The following PAM variants were observed in gnomAD, a reference collection of about 807,000 sequenced individuals.
The protein encoded by PAM is peptidylglycine alpha-amidating monooxygenase.
Under a neutral mutation model 122.1 loss-of-function variants are expected in PAM, and 72 were observed. The observed-to-expected ratio is 0.59, with a 90% CI of 0.49 to 0.72. The LOEUF is 0.72. Among genes scored for constraint, PAM ranks in the 30% least tolerant of loss-of-function variants. The probability of loss-of-function intolerance (pLI) is 0.00; values close to 1 mark genes in which losing one functional copy is unlikely to be tolerated. For missense variants in PAM, 1,106 were observed against 1,183.7 expected, an observed-to-expected ratio of 0.93 and a Z score of 0.96; for synonymous variants, 389 against 404.4, an observed-to-expected ratio of 0.96 and a Z score of 0.46.
At chr5:102,906,493 G>A (rs928037414) in intron 4 of PAM, among the ~76,000 whole-genome samples, 3 of 151,656 alleles carry the variant, frequency 2.0e-5, no homozygotes, top group Non-Finnish European at 3.0e-5. Flanking sequence ...GCACAAGTAT[G>A]AGAGACAGTA....
chr5:102,934,730 C>T (rs765861311), intron 7 of PAM, among the ~76,000 whole-genome samples: 1 of 152,126 alleles, frequency 6.6e-6, no homozygotes, highest in Non-Finnish European at 1.5e-5. Flanking sequence ...GAATCTGGGG[C>T]ACCATCCCTA....
chr5:102,754,925 T>C (rs923631535), upstream of PAM: 21 of 152,276 alleles, frequency 1.4e-4, no homozygotes, highest in African/African-American at 5.1e-4. Flanking sequence ...GTTCCAGCTC[T>C]TGGCTACCTC....
intron 1 of PAM, among the ~76,000 whole-genome samples, chr5:102,781,741 A>G (rs1758989786): frequency 6.6e-6 from 1 of 152,252 alleles, no homozygotes; most frequent in African/African-American, 2.4e-5. Flanking sequence ...GTCAGTTATT[A>G]TATACAGGGA....
chr5:102,919,533 A>G (rs1288417130), intron 5 of PAM, among the ~76,000 whole-genome samples: 1 of 152,082 alleles, frequency 6.6e-6, no homozygotes, highest in African/African-American at 2.4e-5. Flanking sequence ...GGAAACTTCT[A>G]AAGTTAAATA....
intron 16 of PAM, among the ~76,000 whole-genome samples, chr5:102,992,324 C>CT (rs534109692): frequency 2.0e-4 from 30 of 151,430 alleles, no homozygotes; most frequent in African/African-American, 6.6e-4. Context: ...TCTTCTTCAT[C>CT]TTTGTCTTTC....
chr5:102,845,412 A>G (rs1779728415), intron 1 of PAM, among the ~76,000 whole-genome samples: 3 of 152,224 alleles, frequency 2.0e-5, no homozygotes, highest in Non-Finnish European at 4.4e-5. Context: ...GCATAATGTT[A>G]AAGTGATGCC....
chr5:102,845,906 G>T (rs1779830642), intron 1 of PAM, among the ~76,000 whole-genome samples: 1 of 152,128 alleles, frequency 6.6e-6, no homozygotes, highest in Admixed American at 6.5e-5. Context: ...AGCTTCCTTT[G>T]TGATCTATGT....
intron 7 of PAM, among the ~76,000 whole-genome samples, chr5:102,944,246 C>T (rs987865162): frequency 5.3e-5 from 8 of 152,010 alleles, no homozygotes; most frequent in African/African-American, 1.7e-4. Flanking sequence ...AAAACCCTTA[C>T]ACTAAAATTA....
chr5:103,012,192 T>A (rs1213127285), intron 21 of PAM, among the ~76,000 whole-genome samples: 1 of 152,198 alleles, frequency 6.6e-6, no homozygotes, highest in East Asian at 1.9e-4. Flanking sequence ...GTTTGCAATT[T>A]TTTTTCCTCA....
intron 16 of PAM, among the ~76,000 whole-genome samples, chr5:103,000,808 C>T (rs1392439336): frequency 6.6e-6 from 1 of 152,118 alleles, no homozygotes; most frequent in African/African-American, 2.4e-5. Context: ...ATGAGAACAG[C>T]AGAAAGGGGG....
At chr5:103,002,317 T>C (rs1056906774) in intron 16 of PAM, among the ~76,000 whole-genome samples, 1 of 152,118 alleles carries the variant, frequency 6.6e-6, no homozygotes, top group Non-Finnish European at 1.5e-5. Flanking sequence ...CATAATATTT[T>C]ATAATAATCT....
chr5:102,870,968 G>A (rs1448042760), intron 3 of PAM, among the ~76,000 whole-genome samples: 1 of 152,200 alleles, frequency 6.6e-6, no homozygotes, highest in Non-Finnish European at 1.5e-5. Context: ...CATGGTCATA[G>A]TATGGTGATA....
chr5:102,885,144 A>G (rs894844962), intron 3 of PAM, among the ~76,000 whole-genome samples: 1 of 150,594 alleles, frequency 6.6e-6, no homozygotes, highest in African/African-American at 2.5e-5. Context: ...GATAAAATCC[A>G]AAACAAAACA....
At position 103,017,407 on chromosome 5, in the gene PAM, C is replaced by A. The variant is rs780531887; in HGVS notation, c.2405C>A (p.Thr802Asn). 12 of 1,605,936 alleles carry A rather than the reference C, an allele frequency of 7.5e-6. No individual in the cohort carries two copies. The highest frequency in any genetic ancestry group is 1.0e-5 in the Non-Finnish European group (12 of 1,172,860). Residue 802 changes from threonine (T) to asparagine (N), a missense_variant, in exon 22 of 26, where the codon ACC (threonine) becomes AAC (asparagine). Physicochemically the swap from Thr to Asn is moderately conservative, Grantham distance 65 (BLOSUM62 0). Around this residue, in one of 3 missense-constraint regions of PAM, gnomAD observed 333 missense variants for 335.6 expected, o/e 0.99. Coordinates refer to ENST00000438793, the MANE Select transcript of PAM (RefSeq NM_001177306.2). Reference sequence around the variant, plus strand: ...TACATTGGAGATGCTCATACCAACACCGTGTGGAAGTTCACCTTGACTGAG... The same window carrying A: ...TACATTGGAGATGCTCATACCAACAACGTGTGGAAGTTCACCTTGACTGAG... ...TVYIGDAHTN[T>N]VWKFTLTEKL...
chr5:102,865,929 G>T lies in PAM; in HGVS notation c.-267G>T. Reference sequence around the variant, plus strand: ...CTAGCCCCAGCGCCAGGGCACGCGAGCGGCGCTGGAGGGAGGAAAGCTTCC... The same window carrying T: ...CTAGCCCCAGCGCCAGGGCACGCGATCGGCGCTGGAGGGAGGAAAGCTTCC... On this transcript the variant is annotated 5_prime_UTR_variant, in exon 2 of 26. Transcript: ENST00000438793. 2.6e-6 allele frequency: 1 copy of T among 381,142 alleles called. No individual in the cohort carries two copies. 23.6% of individuals were successfully genotyped at this position (381,142 alleles called of 1,614,324 possible). A position where few individuals can be genotyped will look rare whatever the true frequency, so the allele number is the denominator to read the frequency against.
At chr5:102,837,124 G>C (rs970870884) in intron 1 of PAM, among the ~76,000 whole-genome samples, 1 of 152,280 alleles carries the variant, frequency 6.6e-6, no homozygotes, top group East Asian at 1.9e-4. Flanking sequence ...ATATGCCAAA[G>C]ATAGTGAGAT....
intron 4 of PAM, among the ~76,000 whole-genome samples, chr5:102,907,521 G>C (rs1441503456): frequency 6.6e-6 from 1 of 150,888 alleles, no homozygotes; most frequent in Admixed American, 6.6e-5. Flanking sequence ...GGTATTTCTA[G>C]TTCTAGATCC....
At chr5:102,894,080 A>G (rs1446783042) in intron 3 of PAM, among the ~76,000 whole-genome samples, 3 of 151,604 alleles carry the variant, frequency 2.0e-5, no homozygotes, top group Admixed American at 6.6e-5. Flanking sequence ...TGCTGCAGGC[A>G]TTTCTTGAAT....
At chr5:102,845,138 C>T in intron 1 of PAM, among the ~76,000 whole-genome samples, 1 of 152,192 alleles carries the variant, frequency 6.6e-6, no homozygotes, top group South Asian at 2.1e-4. Context: ...AGTCCGTGGG[C>T]CACACATTGA....
Sources: allele counts gnomAD v4.1 joint callset (sites outside exome capture counted in the v4.1 genomes callset), GRCh38; gene constraint gnomAD v4.1.1; regional missense constraint gnomAD v4.1.1; transcripts MANE v1.5; gene names NCBI Gene and HGNC (gene_info 2026-07-23, HGNC 2026-07-21).